Variants in KIF26B observed in about 807,000 individuals in gnomAD.
KIF26B encodes the protein kinesin family member 26B.
A neutral mutation model predicts 151.2 loss-of-function variants in KIF26B; 63 were observed. The ratio of observed to expected loss-of-function variants is 0.42; its 90% CI spans 0.34 to 0.51. The LOEUF is 0.51. Among genes scored for constraint, KIF26B ranks in the 20% least tolerant of loss-of-function variants. The pLI, the probability that KIF26B is intolerant of heterozygous loss-of-function variation, is 0.07. For synonymous variants in KIF26B, 1,357 were observed against 1,262.1 expected (o/e 1.08, Z -1.59); for missense variants, 2,813 against 2,913.6 (o/e 0.97, Z 0.79).
chr1:245,695,429 G>A lies in KIF26B; in HGVS notation c.5825-2677G>A, dbSNP rs180768738. On this transcript the variant is annotated intron_variant, in intron 12 of 14. Coordinates refer to ENST00000407071, the MANE Select transcript of KIF26B (RefSeq NM_018012.4). ...TGCACCTCTGGAGGGAGACAGGCGC[G>A]GGGAGAGGGAGCCTCAGCTGGAGGT... is the stretch of plus-strand genomic sequence containing the variant. Among the ~76,000 whole-genome samples the A allele has an allele frequency of 1.7e-3, 262 of 152,282 alleles. 2 individuals are homozygous for A. The highest frequency in any genetic ancestry group is 3.0e-3 in the Non-Finnish European group (206 of 68,030).
intron 4 of KIF26B, among the ~76,000 whole-genome samples, chr1:245,465,448 C>T (rs1307623426): frequency 1.3e-5 from 2 of 152,072 alleles, no homozygotes; most frequent in Non-Finnish European, 2.9e-5. Flanking sequence ...CCCCATGCCT[C>T]CTGCTTGGGG....
chr1:245,646,363 T>A (rs2043946436), intron 10 of KIF26B, 83 bp downstream of exon 10: 3 of 1,440,060 alleles, frequency 2.1e-6, no homozygotes, highest in African/African-American at 2.8e-5. Context: ...TGGAGAGGTG[T>A]GCCACAGAGG....
At chr1:245,505,880 C>T (rs974852960) in intron 4 of KIF26B, among the ~76,000 whole-genome samples, 10 of 152,010 alleles carry the variant, frequency 6.6e-5, no homozygotes, top group African/African-American at 2.2e-4. Context: ...TTTCAGAATA[C>T]GGATGATTCA....
intron 3 of KIF26B, among the ~76,000 whole-genome samples, chr1:245,399,566 A>T: frequency 6.6e-6 from 1 of 152,228 alleles, no homozygotes; most frequent in East Asian, 1.9e-4. Context: ...TTCGTTTCAT[A>T]TCAAGACAAC....
At position 245,686,203 on chromosome 1, in the gene KIF26B, T is replaced by A; in HGVS notation, c.3220T>A (p.Ser1074Thr). The change falls in exon 12 of 15, where the codon TCC becomes ACC. Residue 1074 changes from serine (S) to threonine (T), a missense_variant. Transcript: ENST00000407071. The surrounding 1 kb of genome is among the most constrained non-coding windows in gnomAD (Gnocchi z 5.6). ...CCCCCGGCTGGGCATCGCCAGCCTG[T>A]CCAAGACCTCGGAGTACAAGCCACC... ...GSPRLGIASL[S>T]KTSEYKPPSS... The A allele has an allele frequency of 6.2e-7, 1 of 1,612,550 alleles. No homozygotes were observed. The highest frequency in any genetic ancestry group is 1.1e-5 in the South Asian group (1 of 91,082).
At chr1:245,617,986 A>G (rs2103159949) in intron 9 of KIF26B, among the ~76,000 whole-genome samples, 1 of 152,080 alleles carries the variant, frequency 6.6e-6, no homozygotes, top group Non-Finnish European at 1.5e-5. Flanking sequence ...GACCTCACCA[A>G]TTGGGACCCC....
chr1:245,603,635 AT>A (rs1558232880), intron 6 of KIF26B, among the ~76,000 whole-genome samples: 1 of 152,036 alleles, frequency 6.6e-6, no homozygotes, highest in Non-Finnish European at 1.5e-5. Flanking sequence ...TCTCTTCCAC[AT>A]TGTCGGTCGT....
chr1:245,691,223 T>TG (rs1157033905), intron 12 of KIF26B, among the ~76,000 whole-genome samples: 2 of 151,548 alleles, frequency 1.3e-5, no homozygotes, highest in Non-Finnish European at 2.9e-5. Context: ...AGAACAATGA[T>TG]GGAAAAACAA....
chr1:245,374,123 ATATATATATATATATG>A (rs1456857035), intron 3 of KIF26B, among the ~76,000 whole-genome samples: 2 of 99,914 alleles, frequency 2.0e-5, no homozygotes, highest in South Asian at 3.7e-4. Flanking sequence ...ATATATATAT[ATATATATATATATATG>A]GGCACAAAAG....
intron 2 of KIF26B, among the ~76,000 whole-genome samples, chr1:245,274,062 A>T (rs545686177): frequency 6.6e-6 from 1 of 152,314 alleles, no homozygotes; most frequent in South Asian, 2.1e-4. Context: ...TGGGGATTAC[A>T]TAAAACATTT....
chr1:245,635,672 G>A (rs1237038385), intron 9 of KIF26B, among the ~76,000 whole-genome samples: 1 of 145,528 alleles, frequency 6.9e-6, no homozygotes, highest in Non-Finnish European at 1.5e-5. Flanking sequence ...CTATTATTTT[G>A]TCTATAATTT....
intron 2 of KIF26B, among the ~76,000 whole-genome samples, chr1:245,217,692 G>A (rs568659942): frequency 1.3e-5 from 2 of 152,082 alleles, no homozygotes; most frequent in African/African-American, 4.8e-5. Context: ...TTAATATCAC[G>A]ACACACATAT....
At chr1:245,305,907 A>C (rs1319616050) in intron 2 of KIF26B, among the ~76,000 whole-genome samples, 1 of 138,268 alleles carries the variant, frequency 7.2e-6, no homozygotes, top group Non-Finnish European at 1.5e-5. Context: ...ACTGCACTCC[A>C]GCCTGGGTGA....
intron 2 of KIF26B, among the ~76,000 whole-genome samples, chr1:245,182,992 C>A (rs1156494619): frequency 1.3e-5 from 2 of 152,220 alleles, no homozygotes; most frequent in East Asian, 3.8e-4. Context: ...TATATTCCTC[C>A]CAGCAACAGA....
Position 245,380,677 on chromosome 1 carries a change from A to ACCCCTG in KIF26B, c.999+13321_999+13326dup, listed in dbSNP as rs564967195. ...TCAAACACAGGTCTCCCATGCATTT[A>ACCCCTG]CCCCTGCCCCTGCCCCAGCCCCTCT... On this transcript the variant is annotated intron_variant, in intron 3 of 14. Transcript: ENST00000407071. Among the ~76,000 whole-genome samples, 50 of 152,092 alleles carry ACCCCTG rather than the reference A, an allele frequency of 3.3e-4. 1 individual carries two copies. In the East Asian group the frequency reaches 7.0e-3, roughly 21 times the overall value.
intron 4 of KIF26B, among the ~76,000 whole-genome samples, chr1:245,520,509 TATTCATCC>T (rs1312948180): frequency 2.3e-5 from 1 of 43,450 alleles, no homozygotes; most frequent in Non-Finnish European, 4.3e-5. Flanking sequence ...AAACACAATC[TATTCATCC>T]ATCCATCCAT....
At chr1:245,261,099 C>CTTCCTTCCTTCCTCCG (rs1670628797) in intron 2 of KIF26B, among the ~76,000 whole-genome samples, 3 of 148,130 alleles carry the variant, frequency 2.0e-5, no homozygotes, top group African/African-American at 5.0e-5. Context: ...TGCTTCCTTC[C>CTTCCTTCCTTCCTCCG]TTCCTTCCTT....
intron 2 of KIF26B, among the ~76,000 whole-genome samples, chr1:245,335,422 T>G (rs1326580967): frequency 6.6e-6 from 1 of 152,158 alleles, no homozygotes; most frequent in Non-Finnish European, 1.5e-5. Context: ...ACCAGGAGGT[T>G]GGTTTTCTTA....
intron 2 of KIF26B, among the ~76,000 whole-genome samples, chr1:245,205,051 G>T (rs1275792420): frequency 6.6e-6 from 1 of 152,164 alleles, no homozygotes; most frequent in African/African-American, 2.4e-5. Context: ...CTCCCAAAGT[G>T]TTGGGATGAC....
Sources: allele counts gnomAD v4.1 joint callset (sites outside exome capture counted in the v4.1 genomes callset), GRCh38; gene constraint gnomAD v4.1.1; non-coding constraint Gnocchi (gnomAD v3.1); transcripts MANE v1.5; gene names NCBI Gene and HGNC (gene_info 2026-07-23, HGNC 2026-07-21).